ASAP1: variants seen among roughly 807,000 people sequenced by gnomAD.
ASAP1 encodes arf-GAP with SH3 domain, ANK repeat and PH domain-containing protein 1.
Under a neutral mutation model 145.2 loss-of-function variants are expected in ASAP1, and 43 were observed. That is an observed-to-expected ratio of 0.30 (90% confidence interval 0.23 to 0.38). The LOEUF (loss-of-function observed/expected upper bound fraction) is 0.38, where lower values mean the gene tolerates loss of function less well. Among genes scored for constraint, ASAP1 ranks in the 10% least tolerant of loss-of-function variants. The pLI is 1.00. For missense variants in ASAP1, 1,018 were observed against 1,355.3 expected (o/e 0.75, Z 3.91); for synonymous variants, 546 against 515.5 (o/e 1.06, Z -0.80).
At chr8:130,388,222 T>G (rs949855505) in intron 2 of ASAP1, among the ~76,000 whole-genome samples, 2 of 152,136 alleles carry the variant, frequency 1.3e-5, no homozygotes, top group African/African-American at 4.8e-5. Flanking sequence ...TGCTGAAGCC[T>G]CTTGGGGAAA....
At chr8:130,097,238 C>T (rs984110874) in intron 24 of ASAP1, among the ~76,000 whole-genome samples, 9 of 149,812 alleles carry the variant, frequency 6.0e-5, no homozygotes, top group Non-Finnish European at 5.9e-5. Flanking sequence ...CTTCTGGGTC[C>T]TCTTTTGGGT....
At chr8:130,428,852 T>TA (rs1830042949) in intron 1 of ASAP1, among the ~76,000 whole-genome samples, 1 of 152,130 alleles carries the variant, frequency 6.6e-6, no homozygotes, top group Non-Finnish European at 1.5e-5. Flanking sequence ...GGGCTGTCAT[T>TA]AAAAAGTACC....
intron 17 of ASAP1, among the ~76,000 whole-genome samples, chr8:130,125,563 A>G (rs2097573669): frequency 6.6e-6 from 1 of 152,202 alleles, no homozygotes; most frequent in Non-Finnish European, 1.5e-5. Context: ...CTTAGAAATA[A>G]TAAAAAAAAA....
chr8:130,117,942 C>T (rs964495326), intron 20 of ASAP1, among the ~76,000 whole-genome samples: 4 of 152,334 alleles, frequency 2.6e-5, no homozygotes, highest in African/African-American at 9.6e-5. Flanking sequence ...GCCACACTTG[C>T]TTGTTTACAC....
At chr8:130,399,003 T>C (rs10086454) in intron 2 of ASAP1, among the ~76,000 whole-genome samples, 49,213 of 152,162 alleles carry the variant, frequency 0.32, 8,764 homozygotes, top group African/African-American at 0.46. Context: ...CCAGCCTTCT[T>C]TGCCGCAAAA....
intron 3 of ASAP1, among the ~76,000 whole-genome samples, chr8:130,330,815 A>C (rs947863455): frequency 6.6e-6 from 1 of 152,152 alleles, no homozygotes; most frequent in African/African-American, 2.4e-5. Context: ...TCATTCTTAA[A>C]CCTATAAAAA....
At chr8:130,134,511 C>G (rs2097589846) in intron 14 of ASAP1, among the ~76,000 whole-genome samples, 167 bp from the exon 15 acceptor site, 2 of 152,038 alleles carry the variant, frequency 1.3e-5, no homozygotes, top group South Asian at 4.1e-4. Context: ...TATTGCTAAT[C>G]TTCACAAAAG....
intron 3 of ASAP1, among the ~76,000 whole-genome samples, chr8:130,345,593 C>T (rs1825659701): frequency 6.6e-6 from 1 of 152,170 alleles, no homozygotes; most frequent in Non-Finnish European, 1.5e-5. Flanking sequence ...TGGAGCCAGG[C>T]AAACCCAGAT....
intron 4 of ASAP1, among the ~76,000 whole-genome samples, chr8:130,216,191 A>G (rs975802939): frequency 6.6e-6 from 1 of 152,184 alleles, no homozygotes; most frequent in African/African-American, 2.4e-5. Flanking sequence ...TTTCCCTGCA[A>G]CTAATCTTCA....
At chr8:130,197,169 T>A (rs190016766) in intron 5 of ASAP1, among the ~76,000 whole-genome samples, 1 of 152,368 alleles carries the variant, frequency 6.6e-6, no homozygotes, top group Admixed American at 6.5e-5. Context: ...GTGGCACATC[T>A]GTAATTCCAG....
At chr8:130,252,900 C>A (rs1024122068) in intron 3 of ASAP1, among the ~76,000 whole-genome samples, 3 of 151,854 alleles carry the variant, frequency 2.0e-5, no homozygotes, top group African/African-American at 7.2e-5. Context: ...TGAGTCACAT[C>A]TTTTCAGGAC....
At position 130,152,767 on chromosome 8, in the gene ASAP1, T is replaced by G. The variant is rs1364185797; in HGVS notation, c.1049A>C (p.Lys350Thr). The G allele has an allele frequency of 6.2e-7, 1 of 1,612,156 alleles. No individual in the cohort carries two copies. Among genetic ancestry groups the G allele is most frequent in the East Asian group, 2.2e-5 (1 of 44,842 alleles). The stretch of plus-strand genomic sequence containing the variant: ...ATGTGAGATGGTCAGAATCCCATTC[T>G]TGACTGAACACTTCCTCCTCTGCCA... ...KVWQRRKCSV[K>T]NGILTISHAT... is the part of the protein sequence containing the mutation. The change falls in exon 13 of 30, where the codon AAG becomes ACG. Residue 350 changes from lysine to threonine, a missense_variant. Around this residue, in one of 9 missense-constraint regions of ASAP1, gnomAD observed 27 missense variants for 88.2 expected, o/e 0.31. Coordinates refer to ENST00000518721, the MANE Select transcript of ASAP1 (RefSeq NM_018482.4).
intron 3 of ASAP1, among the ~76,000 whole-genome samples, chr8:130,316,163 T>C (rs1449765159): frequency 6.6e-6 from 1 of 152,258 alleles, no homozygotes; most frequent in African/African-American, 2.4e-5. Context: ...GTGACCACTA[T>C]TATGCCATCT....
In ASAP1 at chr8:130,134,367, T is replaced by G. The variant is rs745892486; in HGVS notation, c.1169-23A>C. ...TATCTAAAATAAAAAAAAAGAAAAA[T>G]AAGTGAAACCTTAGAAAGCAGGGTA... On this transcript the variant is annotated intron_variant, in intron 14 of 29. Coordinates refer to ENST00000518721, the MANE Select transcript of ASAP1 (RefSeq NM_018482.4). The G allele has an allele frequency of 3.4e-6, 5 of 1,489,306 alleles. No individual in the cohort carries two copies. In the African/African-American group the frequency reaches 4.3e-5, roughly 13 times the overall value. The allele number at this position is 1,489,306 out of a possible 1,614,324, so 92.3% of individuals were successfully genotyped here.
chr8:130,056,370 G>A (rs1290828736), intron 29 of ASAP1, among the ~76,000 whole-genome samples: 1 of 152,210 alleles, frequency 6.6e-6, no homozygotes, highest in African/African-American at 2.4e-5. Flanking sequence ...TCCCCAGGCT[G>A]ATCCCTTCAG....
At chr8:130,168,755 TG>T (rs2097685316) in intron 10 of ASAP1, among the ~76,000 whole-genome samples, 1 of 152,194 alleles carries the variant, frequency 6.6e-6, no homozygotes. Context: ...CAGAACCATC[TG>T]GAACTGATGG....
chr8:130,080,094 C>A lies in ASAP1; in HGVS notation c.2573-123G>T, dbSNP rs1055474693. On this transcript the variant is annotated intron_variant, in intron 25 of 29. Coordinates refer to ENST00000518721, the MANE Select transcript of ASAP1 (RefSeq NM_018482.4). ...CAGAACGGCATTTAAAAGACCCAAG[C>A]CAAAACGGCATGCATTTCTGGCCTA... 1.2e-5 allele frequency: 10 copies of A among 826,372 alleles called. No individual in the cohort carries two copies. The Admixed American group carries it at 1.8e-4, about 15-fold the overall frequency. 51.2% of individuals were successfully genotyped at this position (826,372 alleles called of 1,614,324 possible).
intron 3 of ASAP1, among the ~76,000 whole-genome samples, chr8:130,357,211 C>A (rs1032764198): frequency 6.6e-6 from 1 of 152,178 alleles, no homozygotes; most frequent in Non-Finnish European, 1.5e-5. Flanking sequence ...CCCCCACCCC[C>A]CACCAGCAAC....
intron 5 of ASAP1, among the ~76,000 whole-genome samples, chr8:130,211,884 T>G (rs1041827576): frequency 5.3e-5 from 8 of 152,210 alleles, no homozygotes; most frequent in Non-Finnish European, 1.2e-4. Context: ...TTCACTAGCC[T>G]AAGAGAACAG....
Sources: gnomAD v4.1 joint callset for allele counts (sites outside exome capture counted in the v4.1 genomes callset) on GRCh38, gnomAD v4.1.1 for gene constraint, gnomAD v4.1.1 regional missense constraint, MANE v1.5 for transcripts, NCBI Gene and HGNC (gene_info 2026-07-23, HGNC 2026-07-21) for gene names.